OLA1: variants seen among roughly 807,000 people sequenced by gnomAD.
OLA1 encodes Obg like ATPase 1, also known as obg-like ATPase 1.
OLA1 carries 14 observed loss-of-function variants against 48.4 expected under a neutral mutation model. The ratio of observed to expected loss-of-function variants is 0.29; its 90% confidence interval spans 0.19 to 0.45. The LOEUF (loss-of-function observed/expected upper bound fraction) is 0.45, where lower values mean the gene tolerates loss of function less well. Among genes scored for constraint, OLA1 ranks in the 20% least tolerant of loss-of-function variants. The probability of loss-of-function intolerance (pLI) is 1.00; values close to 1 mark genes in which losing one functional copy is unlikely to be tolerated. For synonymous variants in OLA1, 127 were observed against 150.4 expected (o/e 0.84, Z 1.14); for missense variants, 325 against 467.1 (o/e 0.70, Z 2.80).
chr2:174,113,545 C>T (rs769511736), intron 7 of OLA1, among the ~76,000 whole-genome samples: 19 of 151,790 alleles, frequency 1.3e-4, no homozygotes, highest in African/African-American at 4.1e-4. Flanking sequence ...AATAAAATTA[C>T]GAGACAAGGC....
At chr2:174,180,670 TACTGG>T (rs1687512086) in intron 4 of OLA1, among the ~76,000 whole-genome samples, 1 of 152,238 alleles carries the variant, frequency 6.6e-6, no homozygotes, top group African/African-American at 2.4e-5. Context: ...AACCCTTTTC[TACTGG>T]CCTACTTGGC....
chr2:174,081,939 G>C lies in OLA1; in HGVS notation c.854C>G (p.Ala285Gly). 1 of 1,611,762 alleles carries C rather than the reference G, an allele frequency of 6.2e-7. No individual in the cohort carries two copies. The highest frequency in any genetic ancestry group is 1.1e-5 in the South Asian group (1 of 90,960). The change falls in exon 8 of 11, where the codon GCG (alanine) becomes GGG (glycine). Residue 285 changes from alanine to glycine, a missense_variant. Physicochemically the swap from Ala to Gly is moderately conservative, Grantham distance 60. Transcript: ENST00000284719. ...GCTAATTAACCTTTGTGTCATGTTC[G>C]CTTCCAGATACTTCTGTCTCTCCTC... ...SAEERQKYLE[A>G]NMTQSALPKI... is the part of the protein sequence containing the mutation.
At chr2:174,113,367 C>T (rs1445555636) in intron 7 of OLA1, among the ~76,000 whole-genome samples, 1 of 152,054 alleles carries the variant, frequency 6.6e-6, no homozygotes, top group Non-Finnish European at 1.5e-5. Flanking sequence ...TTATTCTGTA[C>T]CACTATTTTA....
chr2:174,157,359 C>T lies in OLA1; in HGVS notation c.374-15359G>A, dbSNP rs568085586. Among the ~76,000 whole-genome samples the T allele has an allele frequency of 1.3e-3, 195 of 152,170 alleles. 2 individuals are homozygous for T. The highest frequency in any genetic ancestry group is 4.0e-3 in the African/African-American group (164 of 41,498). On this transcript the variant is annotated intron_variant, in intron 4 of 10. Transcript: ENST00000284719. ...AAAGTAAACCCAAGATGAAGGGGAA[C>T]AGGGAAGGAGTCAGTATTCACACAA...
intron 4 of OLA1, among the ~76,000 whole-genome samples, chr2:174,175,057 T>G (rs1687389978): frequency 1.3e-5 from 2 of 151,924 alleles, no homozygotes; most frequent in Non-Finnish European, 2.9e-5. Flanking sequence ...AAACTATGCA[T>G]CTGTATGGAA....
chr2:174,219,640 G>C (rs1688453925), intron 4 of OLA1, among the ~76,000 whole-genome samples: 1 of 151,852 alleles, frequency 6.6e-6, no homozygotes, highest in Admixed American at 6.6e-5. Context: ...ATGTTGCCCA[G>C]ACTGGTCTTG....
At position 174,082,170 on chromosome 2, in the gene OLA1, T is replaced by C. The variant is rs1377949039; in HGVS notation, c.729-106A>G. 3.2e-6 allele frequency: 4 copies of C among 1,238,812 alleles called. No homozygotes were observed. In the African/African-American group the frequency reaches 4.5e-5, roughly 14 times the overall value. 76.7% of individuals were successfully genotyped at this position (1,238,812 alleles called of 1,614,324 possible). A position where few individuals can be genotyped will look rare whatever the true frequency, so the allele number is the denominator to read the frequency against. ...CATATTCATAAGAATTGCACGGTTT[T>C]ATGATGCCATCTTTTTGTATATAGC... On this transcript the variant is annotated intron_variant, in intron 7 of 10. Transcript: ENST00000284719.
At chr2:174,152,498 G>A (rs962481389) in intron 4 of OLA1, among the ~76,000 whole-genome samples, 7 of 152,088 alleles carry the variant, frequency 4.6e-5, no homozygotes, top group African/African-American at 1.4e-4. Flanking sequence ...TTAAAACAAG[G>A]CAAATTTTGG....
At chr2:174,213,162 G>T (rs1318518763) in intron 4 of OLA1, among the ~76,000 whole-genome samples, 4 of 152,042 alleles carry the variant, frequency 2.6e-5, no homozygotes, top group Admixed American at 2.6e-4. Flanking sequence ...TTGAAATTTT[G>T]TTTTCCACAA....
chr2:174,221,262 C>A (rs1248777392), intron 4 of OLA1, among the ~76,000 whole-genome samples: 3 of 111,504 alleles, frequency 2.7e-5, no homozygotes, highest in Non-Finnish European at 5.7e-5. Flanking sequence ...TCACCAAATT[C>A]ATTTCCCCCC....
At chr2:174,092,539 G>A (rs1252298107) in intron 7 of OLA1, among the ~76,000 whole-genome samples, 1 of 152,088 alleles carries the variant, frequency 6.6e-6, no homozygotes, top group South Asian at 2.1e-4. Flanking sequence ...GCATGTGCCT[G>A]TAGTCCCAGC....
At chr2:174,191,057 G>A (rs200976628) in intron 4 of OLA1, among the ~76,000 whole-genome samples, 1 of 151,274 alleles carries the variant, frequency 6.6e-6, no homozygotes, top group East Asian at 1.9e-4. Context: ...ACATAACAGT[G>A]AGTATAGTTA....
intron 4 of OLA1, among the ~76,000 whole-genome samples, chr2:174,146,086 T>C (rs971561881): frequency 6.6e-6 from 1 of 152,120 alleles, no homozygotes; most frequent in Non-Finnish European, 1.5e-5. Flanking sequence ...AGCCTAAAAA[T>C]AGCAATAAAT....
chr2:174,145,276 T>C (rs1383581929), intron 4 of OLA1, among the ~76,000 whole-genome samples: 2 of 152,056 alleles, frequency 1.3e-5, no homozygotes, highest in Admixed American at 6.5e-5. Flanking sequence ...TTGAGTAATA[T>C]AGTTTCAAGC....
At chr2:174,105,395 G>C (rs550284476) in intron 7 of OLA1, among the ~76,000 whole-genome samples, 1 of 152,042 alleles carries the variant, frequency 6.6e-6, no homozygotes, top group South Asian at 2.1e-4. Flanking sequence ...GTACTTTGTA[G>C]AATTTTGAGT....
intron 7 of OLA1, among the ~76,000 whole-genome samples, chr2:174,086,694 C>T (rs1684985368): frequency 6.6e-6 from 1 of 152,130 alleles, no homozygotes; most frequent in Non-Finnish European, 1.5e-5. Context: ...ATGGGCAGGT[C>T]GCATCCACAG....
intron 4 of OLA1, among the ~76,000 whole-genome samples, chr2:174,201,679 TGA>T (rs1404809008): frequency 2.6e-5 from 4 of 152,294 alleles, no homozygotes; most frequent in South Asian, 4.2e-4. Context: ...ATGCAAATCT[TGA>T]GAGAGTTAAT....
At chr2:174,228,319 G>A (rs1165738913) in intron 3 of OLA1, among the ~76,000 whole-genome samples, 4 of 151,988 alleles carry the variant, frequency 2.6e-5, no homozygotes, top group Non-Finnish European at 5.9e-5. Flanking sequence ...ATAAATATAA[G>A]TATTATATTA....
chr2:174,202,405 T>C (rs1230731295), intron 4 of OLA1, among the ~76,000 whole-genome samples: 1 of 152,216 alleles, frequency 6.6e-6, no homozygotes, highest in Non-Finnish European at 1.5e-5. Context: ...CTGTGAGACA[T>C]TAATCATCTT....
Sources: allele counts gnomAD v4.1 joint callset (sites outside exome capture counted in the v4.1 genomes callset), GRCh38; gene constraint gnomAD v4.1.1; transcripts MANE v1.5; gene names NCBI Gene and HGNC (gene_info 2026-07-23, HGNC 2026-07-21).